Variants in VPS8 observed in about 807,000 individuals in gnomAD.
VPS8 encodes VPS8 subunit of CORVET complex.
Under a neutral mutation model 216.4 loss-of-function variants are expected in VPS8, and 129 were observed. The ratio of observed to expected loss-of-function variants is 0.60; its 90% confidence interval spans 0.52 to 0.69. The LOEUF (loss-of-function observed/expected upper bound fraction) is 0.69. Among genes scored for constraint, VPS8 ranks in the 30% least tolerant of loss-of-function variants. The pLI is 0.00. For synonymous variants in VPS8, 571 were observed against 565.4 expected (o/e 1.01, Z -0.14); for missense variants, 1,531 against 1,683.5 (o/e 0.91, Z 1.59).
Position 184,983,106 on chromosome 3 carries a change from G to C in VPS8, c.3585+12G>C. ...AAAGAATCTTACAGGTGAGTTAAAA[G>C]GGGTGAATATTAAATATTGATTTCA... On this transcript the variant is annotated intron_variant, in intron 42 of 47. Coordinates refer to ENST00000625842, the MANE Select transcript of VPS8 (RefSeq NM_001009921.3). 1.3e-6 allele frequency: 2 copies of C among 1,584,276 alleles called. No individual in the cohort carries two copies. Among genetic ancestry groups the C allele is most frequent in the South Asian group, 2.3e-5 (2 of 85,526 alleles).
At chr3:184,916,672 G>A (rs1737650865) in intron 28 of VPS8, among the ~76,000 whole-genome samples, 1 of 152,152 alleles carries the variant, frequency 6.6e-6, no homozygotes, top group Non-Finnish European at 1.5e-5. Flanking sequence ...GTCAGATCTA[G>A]TTGGTTTAGG....
intron 37 of VPS8, 132 bp downstream of exon 37, chr3:184,957,653 C>A (rs1288562595): frequency 2.7e-6 from 3 of 1,123,746 alleles, no homozygotes; most frequent in Non-Finnish European, 3.7e-6. Flanking sequence ...TTGAGACATA[C>A]TCCTGAAAAC....
rs183965714 is a variant in VPS8, at chr3:184,878,312, T to C, written c.1734+7507T>C. 2.4e-3 allele frequency among the ~76,000 whole-genome samples: 370 copies of C among 152,298 alleles called. 1 individual carries two copies. The highest frequency in any genetic ancestry group is 8.5e-3 in the African/African-American group (353 of 41,560). On this transcript the variant is annotated intron_variant, in intron 21 of 47. Transcript: ENST00000625842. ...TTTTAGTGGAGATGGGGTTTCGCCA[T>C]GTTGGCCAGGCTGGTCTCAAACTTC...
intron 10 of VPS8, 58 bp from the exon 11 acceptor site, chr3:184,852,442 C>A (rs558672776): frequency 3.4e-6 from 5 of 1,488,582 alleles, no homozygotes; most frequent in East Asian, 4.6e-5. Context: ...TAATTTTTTC[C>A]TCCTTAATAC....
At position 184,955,543 on chromosome 3, in the gene VPS8, C is replaced by T. The variant is rs373550556; in HGVS notation, c.3036-1831C>T. On this transcript the variant is annotated intron_variant, in intron 36 of 47. Transcript: ENST00000625842. ...TATCAGCACGCCCAGTCGTTTGAGG[C>T]CACTGCTGGTCTCCGCGTCTTGGTG... 3.6e-3 allele frequency among the ~76,000 whole-genome samples: 551 copies of T among 151,930 alleles called. 3 individuals are homozygous for T. The highest frequency in any genetic ancestry group is 0.013 in the African/African-American group (524 of 41,422).
intron 3 of VPS8, among the ~76,000 whole-genome samples, chr3:184,828,038 C>A (rs1471671554): frequency 6.6e-6 from 1 of 152,042 alleles, no homozygotes; most frequent in East Asian, 1.9e-4. Flanking sequence ...TAAATAAGAC[C>A]TTTTCTCAGG....
intron 17 of VPS8, 130 bp downstream of exon 17, chr3:184,867,080 G>T: frequency 1.4e-6 from 1 of 721,250 alleles, no homozygotes; most frequent in Non-Finnish European, 2.2e-6. Flanking sequence ...AACCCTTTGT[G>T]GTTAGGTAGG....
intron 46 of VPS8, 35 bp from the exon 47 acceptor site, chr3:185,048,444 T>C: frequency 6.2e-7 from 1 of 1,608,724 alleles, no homozygotes. Context: ...CCTAGCCACG[T>C]GATGTTGTTA....
At chr3:184,841,697 T>G (rs1722170705) in intron 7 of VPS8, among the ~76,000 whole-genome samples, 1 of 152,224 alleles carries the variant, frequency 6.6e-6, no homozygotes, top group South Asian at 2.1e-4. Flanking sequence ...GTGGTCTTCC[T>G]GTGGGGCATA....
intron 10 of VPS8, among the ~76,000 whole-genome samples, chr3:184,850,305 G>A (rs1724008679): frequency 1.3e-5 from 2 of 152,208 alleles, no homozygotes; most frequent in Non-Finnish European, 2.9e-5. Flanking sequence ...GCAAATTGGT[G>A]TGTTGCTAGA....
chr3:184,894,894 A>C lies in VPS8; in HGVS notation c.1973A>C (p.His658Pro). The part of the protein sequence containing the change: ...LMENVEALIV[H>P]MDITSLDIQQ... Reference sequence around the variant, plus strand: ...GAAAATGTGGAAGCGCTCATTGTACATATGGATATCACCAGCCTAGATATT... The same window carrying C: ...GAAAATGTGGAAGCGCTCATTGTACCTATGGATATCACCAGCCTAGATATT... Residue 658 changes from histidine (H) to proline (P), a missense_variant, in exon 23 of 48, where the codon CAT (histidine) becomes CCT (proline). His to Pro is a moderately conservative substitution (Grantham distance 77). Coordinates refer to ENST00000625842, the MANE Select transcript of VPS8 (RefSeq NM_001009921.3). 1 of 1,607,960 alleles carries C rather than the reference A, an allele frequency of 6.2e-7. No homozygotes were observed. The highest frequency in any genetic ancestry group is 8.5e-7 in the Non-Finnish European group (1 of 1,177,554).
At chr3:184,852,357 GTGA>G in intron 10 of VPS8, 140 bp from the exon 11 acceptor site, 1 of 619,734 alleles carries the variant, frequency 1.6e-6, no homozygotes, top group Non-Finnish European at 2.7e-6. Flanking sequence ...TAAGTTTAGA[GTGA>G]TGAGCACTGA....
At chr3:184,915,522 T>G in intron 28 of VPS8, 48 bp downstream of exon 28, 1 of 1,586,056 alleles carries the variant, frequency 6.3e-7, no homozygotes, top group Non-Finnish European at 8.6e-7. Flanking sequence ...GACAGAGCAA[T>G]AATTTTTTGG....
intron 25 of VPS8, among the ~76,000 whole-genome samples, chr3:184,910,022 C>G (rs573794414): frequency 6.6e-6 from 1 of 151,706 alleles, no homozygotes; most frequent in Admixed American, 6.6e-5. Context: ...GATGGCTGAT[C>G]TGCTTTGATT....
intron 46 of VPS8, among the ~76,000 whole-genome samples, chr3:185,032,718 T>C (rs1211106510): frequency 6.6e-6 from 1 of 151,954 alleles, no homozygotes; most frequent in Non-Finnish European, 1.5e-5. Flanking sequence ...CAGGCTGGAG[T>C]GCAGTGGCGC....
intron 25 of VPS8, among the ~76,000 whole-genome samples, chr3:184,906,154 T>G (rs1735452297): frequency 6.6e-6 from 1 of 152,214 alleles, no homozygotes; most frequent in Non-Finnish European, 1.5e-5. Context: ...TCATTCATCC[T>G]AAAGTATTCT....
intron 3 of VPS8, among the ~76,000 whole-genome samples, chr3:184,830,036 G>A (rs886576347): frequency 6.6e-5 from 10 of 152,106 alleles, no homozygotes; most frequent in East Asian, 5.8e-4. Flanking sequence ...TTTTCCATTC[G>A]TGTGCGTGTG....
chr3:184,966,629 A>T lies in VPS8; in HGVS notation c.3274-42A>T, dbSNP rs545129260. 13 of 1,426,962 alleles carry T rather than the reference A, an allele frequency of 9.1e-6. No homozygotes were observed. The East Asian group carries it at 1.6e-4, about 18-fold the overall frequency. The allele number at this position is 1,426,962 out of a possible 1,614,324, so 88.4% of individuals were successfully genotyped here. The stretch of plus-strand genomic sequence containing the variant: ...TCAAGTATTGGGTGGGTAGAACTAT[A>T]AAGTGTTCCTTTTTAACTCCTATGT... On this transcript the variant is annotated intron_variant, in intron 38 of 47. Transcript: ENST00000625842.
intron 3 of VPS8, among the ~76,000 whole-genome samples, chr3:184,829,547 G>T (rs766584296): frequency 3.9e-5 from 6 of 152,166 alleles, no homozygotes; most frequent in African/African-American, 1.4e-4. Context: ...ATATACCTAG[G>T]AGGGGAATTA....
Sources: allele counts gnomAD v4.1 joint callset (sites outside exome capture counted in the v4.1 genomes callset), GRCh38; gene constraint gnomAD v4.1.1; transcripts MANE v1.5; gene names NCBI Gene and HGNC (gene_info 2026-07-23, HGNC 2026-07-21).